The following SLCO1A2 variants were observed in gnomAD, a reference collection of about 807,000 sequenced individuals.
SLCO1A2 encodes the protein solute carrier organic anion transporter family member 1A2.
SLCO1A2 carries 67 observed loss-of-function variants against 69.0 expected under a neutral mutation model. The ratio of observed to expected loss-of-function variants is 0.97; its 90% confidence interval spans 0.80 to 1.19. The LOEUF (loss-of-function observed/expected upper bound fraction) is 1.19. Among genes scored for constraint, SLCO1A2 ranks in the 50% most tolerant of loss-of-function variants. SLCO1A2 has a pLI of 0.00. For synonymous variants in SLCO1A2, 260 were observed against 265.9 expected, an observed-to-expected ratio of 0.98 and a Z score of 0.22; for missense variants, 787 against 793.7, an observed-to-expected ratio of 0.99 and a Z score of 0.10.
chr12:21,357,811 G>A (rs1417753644), intron 2 of SLCO1A2, among the ~76,000 whole-genome samples: 1 of 152,120 alleles, frequency 6.6e-6, no homozygotes, highest in East Asian at 1.9e-4. Context: ...CTTAAAAAAT[G>A]CATTTTCTTT....
chr12:21,270,269 G>A (rs557623302), intron 14 of SLCO1A2, among the ~76,000 whole-genome samples: 120 of 151,716 alleles, frequency 7.9e-4, no homozygotes, highest in Middle Eastern at 3.4e-3. Flanking sequence ...GCTTGTAGTC[G>A]GAAGAATATG....
chr12:21,272,922 TAA>T (rs879633683), intron 14 of SLCO1A2, among the ~76,000 whole-genome samples: 2 of 152,106 alleles, frequency 1.3e-5, no homozygotes, highest in Admixed American at 6.6e-5. Context: ...TCAAGAACTG[TAA>T]AAGAGTCTAA....
chr12:21,363,341 A>G (rs1262067402), intron 2 of SLCO1A2, among the ~76,000 whole-genome samples: 2 of 152,208 alleles, frequency 1.3e-5, no homozygotes, highest in African/African-American at 4.8e-5. Flanking sequence ...TGTTCTTTGA[A>G]ACGAATGAGA....
intron 10 of SLCO1A2, 37 bp from the exon 11 acceptor site, chr12:21,294,147 G>C: frequency 7.0e-7 from 1 of 1,432,210 alleles, no homozygotes; most frequent in Non-Finnish European, 9.4e-7. Flanking sequence ...GATATTAAAA[G>C]AGGATTCAAT....
At chr12:21,278,123 T>TGTG (rs927066657) in intron 12 of SLCO1A2, among the ~76,000 whole-genome samples, 2 of 152,016 alleles carry the variant, frequency 1.3e-5, no homozygotes, top group South Asian at 2.1e-4. Flanking sequence ...CCTGTGGGCC[T>TGTG]GTGGTGGTGG....
intron 1 of SLCO1A2, among the ~76,000 whole-genome samples, chr12:21,417,167 A>G (rs1009085400): frequency 6.6e-6 from 1 of 152,104 alleles, no homozygotes; most frequent in African/African-American, 2.4e-5. Context: ...AAGAAAACTA[A>G]GCAAAGAAAA....
chr12:21,410,932 T>G (rs747036377), intron 1 of SLCO1A2, among the ~76,000 whole-genome samples: 17 of 152,342 alleles, frequency 1.1e-4, no homozygotes, highest in Admixed American at 3.9e-4. Flanking sequence ...ATTGGGTTAT[T>G]TGTCCTCTTT....
chr12:21,351,098 C>T (rs1937915155), intron 2 of SLCO1A2, among the ~76,000 whole-genome samples: 1 of 152,108 alleles, frequency 6.6e-6, no homozygotes, highest in African/African-American at 2.4e-5. Flanking sequence ...AACCATCACA[C>T]TGTAATAACA....
rs998392064 is a variant in SLCO1A2, at chr12:21,268,917, T to C, written c.*631A>G. The C allele has an allele frequency of 2.0e-5, 3 of 152,066 alleles. No homozygotes were observed. The highest frequency in any genetic ancestry group is 7.2e-5 in the African/African-American group (3 of 41,446). 9.4% of individuals were successfully genotyped at this position (152,066 alleles called of 1,614,324 possible). ...TGCCTCATGATGTTTAATAACCTGC[T>C]TAAGTTTGTCAGTATTCTGTACAAA... On this transcript the variant is annotated 3_prime_UTR_variant, in exon 15 of 15. Transcript: ENST00000683939.
Position 21,411,262 on chromosome 12 carries a change from G to T in SLCO1A2, c.-312+6620C>A, listed in dbSNP as rs896731163. 2.6e-5 allele frequency among the ~76,000 whole-genome samples: 4 copies of T among 152,114 alleles called. No individual in the cohort carries two copies. The East Asian group carries it at 7.7e-4, about 29-fold the overall frequency. On this transcript the variant is annotated intron_variant, in intron 1 of 4. Coordinates refer to the SLCO1A2 transcript ENST00000413682. ...TAAAAGATGTTTGGAAATTTTTTTT[G>T]ATATGTAAATCTTTAATCTACCTGG... is the stretch of plus-strand genomic sequence containing the variant.
chr12:21,392,344 G>A (rs971819955), intron 1 of SLCO1A2, among the ~76,000 whole-genome samples: 5 of 152,262 alleles, frequency 3.3e-5, no homozygotes, highest in African/African-American at 1.2e-4. Flanking sequence ...CTTTTCAAAT[G>A]TAGCCCTCTC....
upstream of SLCO1A2, among the ~76,000 whole-genome samples, chr12:21,399,091 G>C (rs1197627334): frequency 3.3e-4 from 49 of 147,196 alleles, no homozygotes; most frequent in African/African-American, 1.1e-3. Context: ...AATTGTCCCT[G>C]TTTGCAGATG....
At chr12:21,270,761 A>T (rs1330607838) in intron 14 of SLCO1A2, among the ~76,000 whole-genome samples, 3 of 151,582 alleles carry the variant, frequency 2.0e-5, no homozygotes, top group Non-Finnish European at 1.5e-5. Flanking sequence ...ATGTTTCTAA[A>T]TTGTTATATC....
chr12:21,272,688 T>C (rs1400722138), intron 14 of SLCO1A2, among the ~76,000 whole-genome samples: 4 of 152,058 alleles, frequency 2.6e-5, no homozygotes, highest in African/African-American at 7.2e-5. Flanking sequence ...ACAAACAACA[T>C]TTAGTTCAAA....
chr12:21,382,332 G>A (rs962675527), intron 1 of SLCO1A2, among the ~76,000 whole-genome samples: 5 of 152,044 alleles, frequency 3.3e-5, no homozygotes, highest in South Asian at 2.1e-4. Flanking sequence ...ATTCAGAAGC[G>A]GGAGGGTGAG....
At chr12:21,361,053 G>C (rs561891761) in intron 2 of SLCO1A2, among the ~76,000 whole-genome samples, 19 of 152,288 alleles carry the variant, frequency 1.2e-4, no homozygotes, top group Non-Finnish European at 2.2e-4. Context: ...CTCCCAGCAC[G>C]GAGTTTGAGA....
rs571047757 is a variant in SLCO1A2 at position 21,273,355 on chromosome 12, T to C, written c.1793+1114A>G. The stretch of plus-strand genomic sequence containing the variant: ...TACTGTTCCAACATCCTTGAAAATA[T>C]AGTCCAGAAAAAATGCTCTCAGTGT... On this transcript the variant is annotated intron_variant, in intron 14 of 14. Transcript: ENST00000683939. Among the ~76,000 whole-genome samples, 161 of 152,218 alleles carry C rather than the reference T, an allele frequency of 1.1e-3. 3 individuals carry two copies. The South Asian group carries it at 0.033, about 31-fold the overall frequency.
At chr12:21,299,655 T>C (rs1948285379) in intron 8 of SLCO1A2, among the ~76,000 whole-genome samples, 1 of 150,574 alleles carries the variant, frequency 6.6e-6, no homozygotes, top group Admixed American at 6.7e-5. Flanking sequence ...GATTAGAGTA[T>C]ACTTTTTCCT....
chr12:21,371,521 C>G (rs1227575066), intron 2 of SLCO1A2, among the ~76,000 whole-genome samples: 1 of 152,020 alleles, frequency 6.6e-6, no homozygotes, highest in African/African-American at 2.4e-5. Flanking sequence ...TACCAAACAC[C>G]TTCAAACAAT....
Sources: allele counts gnomAD v4.1 joint callset (sites outside exome capture counted in the v4.1 genomes callset), GRCh38; gene constraint gnomAD v4.1.1; transcripts MANE v1.5; gene names NCBI Gene and HGNC (gene_info 2026-07-23, HGNC 2026-07-21).